Variants in AUTS2 observed in about 807,000 individuals in gnomAD.
AUTS2 encodes the protein autism susceptibility gene 2 protein.
In AUTS2, 17 loss-of-function variants were observed where a neutral mutation model predicts 112.4. That is an observed-to-expected ratio of 0.15 (90% CI 0.10 to 0.23). AUTS2 has a LOEUF of 0.23. AUTS2 is among the 10% of genes least tolerant of loss of function. The pLI is 1.00. For missense variants in AUTS2, 1,510 were observed against 1,701.6 expected (o/e 0.89, Z 1.98); for synonymous variants, 751 against 702.7 (o/e 1.07, Z -1.09).
chr7:69,733,559 A>G (rs1244236585), intron 1 of AUTS2, among the ~76,000 whole-genome samples: 3 of 152,122 alleles, frequency 2.0e-5, no homozygotes, highest in African/African-American at 7.2e-5. Flanking sequence ...TTTAAGTAGC[A>G]GAAGAGAGCA....
chr7:70,590,364 C>G (rs969145774), intron 5 of AUTS2, among the ~76,000 whole-genome samples: 1 of 152,092 alleles, frequency 6.6e-6, no homozygotes, highest in Non-Finnish European at 1.5e-5. Context: ...GAGTGGGCCT[C>G]AGAACTCAGA....
chr7:69,963,371 C>G (rs940258146), intron 2 of AUTS2, among the ~76,000 whole-genome samples: 2 of 152,126 alleles, frequency 1.3e-5, no homozygotes, highest in African/African-American at 4.8e-5. Context: ...TAGAATCTTT[C>G]ACCACTTAAC....
chr7:70,621,852 T>TTTTC (rs1804692834), intron 5 of AUTS2, among the ~76,000 whole-genome samples: 1 of 136,670 alleles, frequency 7.3e-6, no homozygotes, highest in East Asian at 2.1e-4. Flanking sequence ...TTTTTTTTTT[T>TTTTC]TTTTTTTTTT....
rs77578778 is a variant in AUTS2, at chr7:70,334,440, G to T, written c.661-101312G>T. On this transcript the variant is annotated intron_variant, in intron 4 of 18. Transcript: ENST00000342771. ...AAGTAACTAACTTACAGTGGTAGGT[G>T]CATGACTAGTATCTGCAGAGATTAG... Among the ~76,000 whole-genome samples, 332 of 152,322 alleles carry T rather than the reference G, an allele frequency of 2.2e-3. 3 individuals are homozygous for T. Among genetic ancestry groups the T allele is most frequent in the African/African-American group, 7.6e-3 (318 of 41,588 alleles).
At chr7:70,428,638 A>T (rs1795528084) in intron 4 of AUTS2, among the ~76,000 whole-genome samples, 1 of 152,206 alleles carries the variant, frequency 6.6e-6, no homozygotes, top group African/African-American at 2.4e-5. Flanking sequence ...AGAATAAAAT[A>T]ACTTTGTTCA....
intron 10 of AUTS2, among the ~76,000 whole-genome samples, chr7:70,769,592 G>A (rs900375531): frequency 6.6e-6 from 1 of 152,198 alleles, no homozygotes. Flanking sequence ...GGCTGAGGCA[G>A]GAGAATGGCG....
At chr7:70,722,480 T>A (rs1052788017) in intron 6 of AUTS2, among the ~76,000 whole-genome samples, 1 of 152,190 alleles carries the variant, frequency 6.6e-6, no homozygotes, top group Non-Finnish European at 1.5e-5. Context: ...CTGGATTCCA[T>A]TGGAATTTAA....
intron 5 of AUTS2, among the ~76,000 whole-genome samples, chr7:70,530,274 A>T (rs1323204538): frequency 6.6e-6 from 1 of 152,206 alleles, no homozygotes; most frequent in African/African-American, 2.4e-5. Context: ...AAAGAGGCTT[A>T]TGAAGCTTAT....
chr7:69,669,780 A>C (rs1022821536), intron 1 of AUTS2, among the ~76,000 whole-genome samples: 4 of 152,228 alleles, frequency 2.6e-5, no homozygotes, highest in African/African-American at 9.6e-5. Context: ...TGTTGTAAGA[A>C]GGATATGGCC....
chr7:70,053,740 C>T (rs918960994), intron 2 of AUTS2, among the ~76,000 whole-genome samples: 1 of 151,990 alleles, frequency 6.6e-6, no homozygotes, highest in Non-Finnish European at 1.5e-5. Flanking sequence ...GACAGGGTCT[C>T]TACTATGTTG....
chr7:70,476,542 A>C (rs1416805877), intron 5 of AUTS2, among the ~76,000 whole-genome samples: 1 of 152,186 alleles, frequency 6.6e-6, no homozygotes, highest in East Asian at 1.9e-4. Flanking sequence ...GACATATCAC[A>C]TGCCTGCTTT....
intron 1 of AUTS2, among the ~76,000 whole-genome samples, chr7:69,726,095 A>T (rs536134628): frequency 6.6e-6 from 1 of 152,180 alleles, no homozygotes; most frequent in Non-Finnish European, 1.5e-5. Flanking sequence ...GTACACATCA[A>T]TGAATTTTGG....
intron 6 of AUTS2, among the ~76,000 whole-genome samples, chr7:70,744,937 G>A (rs1405117715): frequency 2.0e-5 from 3 of 152,038 alleles, no homozygotes; most frequent in African/African-American, 2.4e-5. Context: ...ATGTGGCCTG[G>A]CCACCTTTTC....
At chr7:70,482,337 C>A (rs1038105775) in intron 5 of AUTS2, among the ~76,000 whole-genome samples, 2 of 151,996 alleles carry the variant, frequency 1.3e-5, no homozygotes, top group African/African-American at 4.8e-5. Flanking sequence ...TCTTATTAGC[C>A]CCCATCACAC....
intron 1 of AUTS2, among the ~76,000 whole-genome samples, chr7:69,664,633 A>C (rs1392782382): frequency 6.6e-6 from 1 of 152,174 alleles, no homozygotes; most frequent in Admixed American, 6.5e-5. Context: ...CCTGTGTCTC[A>C]TGCCACTACT....
At position 69,641,508 on chromosome 7, in the gene AUTS2, C is replaced by T. The variant is rs552496381; in HGVS notation, c.309+41546C>T. ...TTTGTCCCTGTATCTCTGGGGCCTG[C>T]AGTTACAGCATGGACTGCATATTCG... On this transcript the variant is annotated intron_variant, in intron 1 of 18. Coordinates refer to ENST00000342771, the MANE Select transcript of AUTS2 (RefSeq NM_015570.4). 2.0e-5 allele frequency among the ~76,000 whole-genome samples: 3 copies of T among 152,312 alleles called. No individual in the cohort carries two copies. In the South Asian group the frequency reaches 6.2e-4, roughly 32 times the overall value.
At chr7:70,736,829 G>T (rs10270627) in intron 6 of AUTS2, among the ~76,000 whole-genome samples, 100,205 of 152,116 alleles carry the variant, frequency 0.66, 33,833 homozygotes, top group African/African-American at 0.79. Context: ...CTGCCTGTTA[G>T]AAGGATCCAG....
chr7:70,070,880 A>G (rs75058459), intron 2 of AUTS2, among the ~76,000 whole-genome samples: 1 of 151,188 alleles, frequency 6.6e-6, no homozygotes, highest in South Asian at 2.1e-4. Flanking sequence ...TCCATCTGAA[A>G]AAAAAAAAAA....
chr7:69,936,342 TTTTTG>T (rs906251052), intron 2 of AUTS2, among the ~76,000 whole-genome samples: 5 of 152,054 alleles, frequency 3.3e-5, no homozygotes, highest in African/African-American at 9.7e-5. Context: ...CTACAGATTT[TTTTTG>T]TTTTGTTTTG....
Sources: allele counts gnomAD v4.1 joint callset (sites outside exome capture counted in the v4.1 genomes callset), GRCh38; gene constraint gnomAD v4.1.1; transcripts MANE v1.5; gene names NCBI Gene and HGNC (gene_info 2026-07-23, HGNC 2026-07-21).